GALNT17: variants seen among roughly 807,000 people sequenced by gnomAD.
The protein encoded by GALNT17 is polypeptide N-acetylgalactosaminyltransferase 17.
Under a neutral mutation model 63.7 loss-of-function variants are expected in GALNT17, and 29 were observed. The observed-to-expected ratio is 0.46, with a 90% CI of 0.34 to 0.62. The LOEUF (loss-of-function observed/expected upper bound fraction) is 0.62, where lower values mean the gene tolerates loss of function less well. Ranked by LOEUF, GALNT17 falls within the 20% of genes least tolerant of loss-of-function variation. The pLI, the probability that GALNT17 is intolerant of heterozygous loss-of-function variation, is 0.01. For synonymous variants in GALNT17, 305 were observed against 318.3 expected (o/e 0.96, Z 0.45); for missense variants, 603 against 799.6 (o/e 0.75, Z 2.97).
At chr7:71,542,429 G>T (rs1038046771) in intron 5 of GALNT17, among the ~76,000 whole-genome samples, 1 of 151,878 alleles carries the variant, frequency 6.6e-6, no homozygotes, top group Non-Finnish European at 1.5e-5. Context: ...AATGATAATC[G>T]CTGGGCACAG....
intron 1 of GALNT17, among the ~76,000 whole-genome samples, chr7:71,145,395 C>T (rs1427837494): frequency 6.6e-6 from 1 of 152,146 alleles, no homozygotes; most frequent in Admixed American, 6.5e-5. Flanking sequence ...ACTCAGGAGG[C>T]TGAGGTGGGA....
At chr7:71,343,860 G>C (rs1792046295) in intron 2 of GALNT17, among the ~76,000 whole-genome samples, 1 of 151,260 alleles carries the variant, frequency 6.6e-6, no homozygotes, top group African/African-American at 2.4e-5. Context: ...TACATTTTAT[G>C]CTTTTTGTAT....
rs558104684 is a variant in GALNT17 at position 71,170,305 on chromosome 7, A to G, written c.238+37265A>G. 5.3e-5 allele frequency among the ~76,000 whole-genome samples: 8 copies of G among 152,174 alleles called. 1 individual carries two copies. In the South Asian group the frequency reaches 1.7e-3, roughly 32 times the overall value. On this transcript the variant is annotated intron_variant, in intron 1 of 10. Coordinates refer to ENST00000333538, the MANE Select transcript of GALNT17 (RefSeq NM_022479.3). Reference sequence around the variant, plus strand: ...GATCGAGAAGGGATATGTTCAGTTTAAAAGTTGAAGCTTTATTTTTTATTA... The same window carrying G: ...GATCGAGAAGGGATATGTTCAGTTTGAAAGTTGAAGCTTTATTTTTTATTA...
At chr7:71,573,346 T>A (rs995811843) in intron 6 of GALNT17, among the ~76,000 whole-genome samples, 11 of 151,546 alleles carry the variant, frequency 7.3e-5, no homozygotes, top group African/African-American at 9.7e-5. Flanking sequence ...TTATTTATTT[T>A]TTGAGAAGTA....
chr7:71,288,852 G>C (rs1487624920), intron 1 of GALNT17, among the ~76,000 whole-genome samples: 1 of 152,170 alleles, frequency 6.6e-6, no homozygotes. Context: ...CATTTCTTCT[G>C]ATGAAGGTAG....
At chr7:71,203,800 C>T (rs765383727) in intron 1 of GALNT17, among the ~76,000 whole-genome samples, 2 of 152,170 alleles carry the variant, frequency 1.3e-5, no homozygotes, top group African/African-American at 2.4e-5. Context: ...GGAGGTACCA[C>T]ACACTTTTAA....
intron 2 of GALNT17, among the ~76,000 whole-genome samples, chr7:71,365,700 C>G (rs1792491847): frequency 6.6e-6 from 1 of 151,696 alleles, no homozygotes; most frequent in Non-Finnish European, 1.5e-5. Context: ...AGAAAGTATC[C>G]AAATGACAGT....
intron 5 of GALNT17, among the ~76,000 whole-genome samples, chr7:71,536,093 CA>C (rs1046413450): frequency 6.6e-6 from 1 of 152,194 alleles, no homozygotes. Context: ...ATTTAGCTTT[CA>C]AAGATTAAAG....
intron 2 of GALNT17, among the ~76,000 whole-genome samples, chr7:71,338,145 G>A (rs1791944130): frequency 6.6e-6 from 1 of 151,618 alleles, no homozygotes; most frequent in South Asian, 2.1e-4. Context: ...GGCTAAGATG[G>A]TAAAACCCCG....
intron 5 of GALNT17, among the ~76,000 whole-genome samples, chr7:71,433,891 C>T (rs899175886): frequency 6.6e-6 from 1 of 152,042 alleles, no homozygotes; most frequent in African/African-American, 2.4e-5. Context: ...AGAGGCAGAC[C>T]CACCCTCAAT....
intron 1 of GALNT17, among the ~76,000 whole-genome samples, chr7:71,288,717 T>C (rs1027615838): frequency 6.6e-6 from 1 of 152,108 alleles, no homozygotes; most frequent in African/African-American, 2.4e-5. Flanking sequence ...GATGCGTGTG[T>C]TCATCTGGAA....
At chr7:71,706,358 C>T (rs1791722395) in intron 9 of GALNT17, among the ~76,000 whole-genome samples, 1 of 152,132 alleles carries the variant, frequency 6.6e-6, no homozygotes, top group Non-Finnish European at 1.5e-5. Context: ...CCTAACAGAC[C>T]TCAGAAAGGA....
At chr7:71,241,222 C>T (rs554157803) in intron 1 of GALNT17, among the ~76,000 whole-genome samples, 2 of 152,330 alleles carry the variant, frequency 1.3e-5, no homozygotes, top group Non-Finnish European at 2.9e-5. Flanking sequence ...TCTTTCTCTC[C>T]TCCCTGGTTT....
intron 2 of GALNT17, among the ~76,000 whole-genome samples, chr7:71,368,078 C>G (rs1387757368): frequency 6.6e-6 from 1 of 152,186 alleles, no homozygotes; most frequent in Admixed American, 6.5e-5. Context: ...TGGGAGGAGC[C>G]GAAGAACAGA....
At chr7:71,705,042 G>T (rs984884756) in intron 9 of GALNT17, among the ~76,000 whole-genome samples, 1 of 152,066 alleles carries the variant, frequency 6.6e-6, no homozygotes, top group Non-Finnish European at 1.5e-5. Context: ...AAACTTTGAT[G>T]CTTCAAAGGA....
intron 3 of GALNT17, among the ~76,000 whole-genome samples, chr7:71,410,752 A>G (rs1793415266): frequency 1.3e-5 from 2 of 152,158 alleles, no homozygotes; most frequent in Admixed American, 1.3e-4. Flanking sequence ...TTTATGCTCC[A>G]TGAGCCTGGA....
At chr7:71,605,510 C>T (rs1289875259) in intron 6 of GALNT17, among the ~76,000 whole-genome samples, 1 of 150,616 alleles carries the variant, frequency 6.6e-6, no homozygotes, top group Non-Finnish European at 1.5e-5. Context: ...CACTTGAACC[C>T]AGGAGGCGGA....
chr7:71,447,601 G>T (rs923585619), intron 5 of GALNT17, among the ~76,000 whole-genome samples: 3 of 152,102 alleles, frequency 2.0e-5, no homozygotes, highest in African/African-American at 4.8e-5. Context: ...CCCCAGAATA[G>T]CTGAATGGAA....
At chr7:71,491,901 A>C (rs1788014844) in intron 5 of GALNT17, among the ~76,000 whole-genome samples, 2 of 152,144 alleles carry the variant, frequency 1.3e-5, no homozygotes, top group African/African-American at 4.8e-5. Flanking sequence ...TCACACCTGT[A>C]ATCCCAGCAC....
Sources: gnomAD v4.1 joint callset for allele counts (sites outside exome capture counted in the v4.1 genomes callset) on GRCh38, gnomAD v4.1.1 for gene constraint, MANE v1.5 for transcripts, NCBI Gene and HGNC (gene_info 2026-07-23, HGNC 2026-07-21) for gene names.